Variants in GPHN observed in about 807,000 individuals in gnomAD.
The protein encoded by GPHN is gephyrin.
Under a neutral mutation model 95.5 loss-of-function variants are expected in GPHN, and 17 were observed. The ratio of observed to expected loss-of-function variants is 0.18; its 90% CI spans 0.12 to 0.27. The LOEUF (loss-of-function observed/expected upper bound fraction) is 0.27. GPHN is among the 10% of genes least tolerant of loss of function. GPHN has a pLI of 1.00. For missense variants in GPHN, 660 were observed against 978.1 expected, an observed-to-expected ratio of 0.67 and a Z score of 4.34; for synonymous variants, 320 against 322.5, an observed-to-expected ratio of 0.99 and a Z score of 0.08.
intron 5 of GPHN, among the ~76,000 whole-genome samples, chr14:66,886,215 G>T (rs994281275): frequency 1.3e-5 from 2 of 152,112 alleles, no homozygotes; most frequent in Non-Finnish European, 2.9e-5. Flanking sequence ...GCCATGATGG[G>T]ACTGTCCATA....
chr14:67,484,834 C>T, the GPHN span, among the ~76,000 whole-genome samples: 1 of 152,172 alleles, frequency 6.6e-6, no homozygotes, highest in Non-Finnish European at 1.5e-5. Flanking sequence ...GCAATATTTT[C>T]CTATGTGTGT....
chr14:67,488,602 C>T, the GPHN span: 2 of 152,366 alleles, frequency 1.3e-5, no homozygotes, highest in African/African-American at 4.8e-5. Context: ...TGTCCGAACC[C>T]TCTGGGACTC....
chr14:66,818,815 G>A lies in GPHN; in HGVS notation c.202-5659G>A, dbSNP rs537943236. 1.8e-4 allele frequency among the ~76,000 whole-genome samples: 27 copies of A among 150,540 alleles called. No individual in the cohort carries two copies. The South Asian group carries it at 3.5e-3, about 20-fold the overall frequency. On this transcript the variant is annotated intron_variant, in intron 3 of 22. Transcript: ENST00000478722. ...TCTGACTTGCATGAGATGATATCTC[G>A]TTGTTTTGATTTGCATTTTGCTAAT...
chr14:67,249,289 C>G, the GPHN span, among the ~76,000 whole-genome samples: 37 of 152,248 alleles, frequency 2.4e-4, 1 homozygote, highest in Admixed American at 1.9e-3. Context: ...GGCAAAAAAT[C>G]AGCAGGAGAA....
At chr14:66,772,867 A>T (rs556374226) in intron 2 of GPHN, among the ~76,000 whole-genome samples, 1 of 152,344 alleles carries the variant, frequency 6.6e-6, no homozygotes, top group Non-Finnish European at 1.5e-5. Context: ...TCCCCTTGGT[A>T]TGTGTACAAT....
At chr14:66,683,905 G>A (rs2067166318) in intron 2 of GPHN, among the ~76,000 whole-genome samples, 1 of 151,460 alleles carries the variant, frequency 6.6e-6, no homozygotes, top group African/African-American at 2.4e-5. Context: ...TGAACCCAGA[G>A]GCAGAGCTTG....
the GPHN span, among the ~76,000 whole-genome samples, chr14:67,264,150 G>A: frequency 3.3e-5 from 5 of 152,154 alleles, no homozygotes; most frequent in African/African-American, 9.7e-5. Context: ...AAGAGTACCC[G>A]TTAAAATTGT....
At chr14:67,628,053 G>A in the GPHN span, among the ~76,000 whole-genome samples, 749 of 152,298 alleles carry the variant, frequency 4.9e-3, 36 homozygotes, top group East Asian at 0.083. Context: ...GTGCCACAGT[G>A]CCCTTGGGGG....
chr14:66,719,419 G>A (rs1009382181), intron 2 of GPHN, among the ~76,000 whole-genome samples: 1 of 152,156 alleles, frequency 6.6e-6, no homozygotes, highest in African/African-American at 2.4e-5. Flanking sequence ...CCCCAGTGAG[G>A]ATGTGTGTTC....
At chr14:67,711,921 AC>A in the GPHN span, among the ~76,000 whole-genome samples, 1 of 152,092 alleles carries the variant, frequency 6.6e-6, no homozygotes, top group Non-Finnish European at 1.5e-5. Flanking sequence ...GATAGGGACT[AC>A]CTATCTTTTT....
At chr14:67,696,584 G>T in the GPHN span, among the ~76,000 whole-genome samples, 3,518 of 152,196 alleles carry the variant, frequency 0.023, 146 homozygotes, top group African/African-American at 0.081. Flanking sequence ...GATGGCTTGG[G>T]TCACATACAT....
At chr14:67,540,224 G>A in the GPHN span, among the ~76,000 whole-genome samples, 4 of 152,068 alleles carry the variant, frequency 2.6e-5, no homozygotes, top group African/African-American at 9.7e-5. Flanking sequence ...ATCCTATTTC[G>A]TATATCTCCT....
the GPHN span, among the ~76,000 whole-genome samples, chr14:67,446,325 G>A: frequency 1.3e-5 from 2 of 152,202 alleles, no homozygotes; most frequent in Admixed American, 6.5e-5. Context: ...ATTGTTAGGA[G>A]ATCAGTAAAT....
At chr14:67,402,775 T>C in the GPHN span, among the ~76,000 whole-genome samples, 35 of 152,246 alleles carry the variant, frequency 2.3e-4, no homozygotes, top group Admixed American at 5.9e-4. Context: ...TTTTTATGGC[T>C]GAATAGTATT....
the GPHN span, among the ~76,000 whole-genome samples, chr14:67,704,312 G>A: frequency 4.6e-5 from 7 of 152,160 alleles, no homozygotes; most frequent in African/African-American, 7.2e-5. Flanking sequence ...TTTTCAAATC[G>A]TTTCACATAT....
the GPHN span, among the ~76,000 whole-genome samples, chr14:67,413,398 G>T: frequency 6.6e-6 from 1 of 152,178 alleles, no homozygotes; most frequent in Non-Finnish European, 1.5e-5. Context: ...CATGGGGCCG[G>T]TCCATATTAT....
chr14:67,585,704 G>A, the GPHN span: 2 of 1,336,446 alleles, frequency 1.5e-6, no homozygotes, highest in Non-Finnish European at 2.1e-6. Flanking sequence ...CCTCAACATG[G>A]TCTTTTCTTC....
chr14:67,090,799 G>A (rs754727004), intron 12 of GPHN, among the ~76,000 whole-genome samples: 1 of 151,978 alleles, frequency 6.6e-6, no homozygotes, highest in African/African-American at 2.4e-5. Context: ...AGTTCCATCT[G>A]TGTAACTTTG....
chr14:67,189,248 T>C, the GPHN span: 1 of 152,274 alleles, frequency 6.6e-6, no homozygotes, highest in Non-Finnish European at 1.5e-5. Flanking sequence ...TGCCCACTCC[T>C]GAGCGGTCCG....
Sources: allele counts gnomAD v4.1 joint callset (sites outside exome capture counted in the v4.1 genomes callset), GRCh38; gene constraint gnomAD v4.1.1; transcripts MANE v1.5; gene names NCBI Gene and HGNC (gene_info 2026-07-23, HGNC 2026-07-21).